The following NELL1 variants were observed in gnomAD, a reference collection of about 807,000 sequenced individuals.
The protein encoded by NELL1 is neural EGFL like 1, also known as protein kinase C-binding protein NELL1.
NELL1 carries 76 observed loss-of-function variants against 107.4 expected under a neutral mutation model. The observed-to-expected ratio is 0.71, with a 90% confidence interval of 0.59 to 0.86. NELL1 has a LOEUF of 0.86. Among genes scored for constraint, NELL1 ranks in the 40% least tolerant of loss-of-function variants. The probability of loss-of-function intolerance (pLI) is 0.00; values close to 1 mark genes in which losing one functional copy is unlikely to be tolerated. For missense variants in NELL1, 1,024 were observed against 1,005.5 expected (o/e 1.02, Z -0.25); for synonymous variants, 353 against 341.2 (o/e 1.03, Z -0.38).
intron 12 of NELL1, among the ~76,000 whole-genome samples, chr11:21,038,224 T>C (rs1021204571): frequency 6.6e-6 from 1 of 152,162 alleles, no homozygotes; most frequent in African/African-American, 2.4e-5. Flanking sequence ...TATTGCCTTA[T>C]TGCAACTGTA....
intron 11 of NELL1, among the ~76,000 whole-genome samples, chr11:20,957,797 C>T (rs1314842565): frequency 6.6e-6 from 1 of 151,972 alleles, no homozygotes; most frequent in South Asian, 2.1e-4. Context: ...ATATAACACA[C>T]CTCAAGACAG....
intron 15 of NELL1, among the ~76,000 whole-genome samples, chr11:21,516,142 C>G (rs1167058612): frequency 6.6e-6 from 1 of 152,130 alleles, no homozygotes; most frequent in African/African-American, 2.4e-5. Context: ...GAACTTGAAT[C>G]CCAGGTCCAT....
chr11:21,543,631 T>C (rs1856351425), intron 16 of NELL1, among the ~76,000 whole-genome samples: 1 of 151,970 alleles, frequency 6.6e-6, no homozygotes, highest in African/African-American at 2.4e-5. Context: ...GAGAAATGAA[T>C]CTCATCAGAC....
chr11:21,134,678 T>C (rs925259374), intron 13 of NELL1, among the ~76,000 whole-genome samples: 1 of 152,204 alleles, frequency 6.6e-6, no homozygotes, highest in African/African-American at 2.4e-5. Context: ...ATCTGATCTA[T>C]GCAGTTGGCA....
rs143638438 is a variant in NELL1 at position 21,113,389 on chromosome 11, A to T, written c.1301-200A>T. ...TCTTACCTGTTTTGTCTCACCATGC[A>T]TCGTTCTGGAAACACTTTCAGCTCA... is the stretch of plus-strand genomic sequence containing the variant. On this transcript the variant is annotated intron_variant, in intron 12 of 19. Coordinates refer to ENST00000357134, the MANE Select transcript of NELL1 (RefSeq NM_006157.5). Among the ~76,000 whole-genome samples, 92 of 152,120 alleles carry T rather than the reference A, an allele frequency of 6.0e-4. 1 individual carries two copies. Among genetic ancestry groups the T allele is most frequent in the African/African-American group, 2.1e-3 (87 of 41,530 alleles).
chr11:21,127,387 G>A (rs549174838), intron 13 of NELL1, among the ~76,000 whole-genome samples: 1 of 152,134 alleles, frequency 6.6e-6, no homozygotes, highest in South Asian at 2.1e-4. Context: ...TTGAGGCTAG[G>A]CATTCAAAAC....
chr11:20,723,007 A>T (rs900637519), intron 2 of NELL1, among the ~76,000 whole-genome samples: 3 of 152,204 alleles, frequency 2.0e-5, no homozygotes, highest in African/African-American at 7.2e-5. Context: ...CTTTAAAACT[A>T]TCAGCTCTCA....
At chr11:21,412,754 A>G (rs1468966678) in intron 15 of NELL1, among the ~76,000 whole-genome samples, 1 of 152,106 alleles carries the variant, frequency 6.6e-6, no homozygotes, top group East Asian at 1.9e-4. Flanking sequence ...AACTCAGTGG[A>G]TAGAATCTAA....
At chr11:21,161,857 A>G (rs917203444) in intron 13 of NELL1, among the ~76,000 whole-genome samples, 2 of 151,496 alleles carry the variant, frequency 1.3e-5, no homozygotes, top group East Asian at 1.9e-4. Context: ...CCCATTTCAC[A>G]TGACTAATTT....
chr11:21,134,962 TTAAA>T (rs1307221670), intron 13 of NELL1, among the ~76,000 whole-genome samples: 9 of 152,372 alleles, frequency 5.9e-5, no homozygotes, highest in Admixed American at 5.2e-4. Context: ...GTTTTAAGTA[TTAAA>T]TAATCAGTGT....
intron 15 of NELL1, among the ~76,000 whole-genome samples, chr11:21,503,504 T>C (rs1340059525): frequency 1.3e-5 from 2 of 152,224 alleles, no homozygotes; most frequent in African/African-American, 2.4e-5. Flanking sequence ...CAAGTTCTCC[T>C]ATCTATGTGA....
chr11:21,317,078 T>C lies in NELL1; in HGVS notation c.1550-53775T>C, dbSNP rs533874044. On this transcript the variant is annotated intron_variant, in intron 14 of 19. Transcript: ENST00000357134. ...TCCTAGGTTAGTATAAATACTAGAA[T>C]TGATAATAAGAATCATAATAATTAA... 5.3e-5 allele frequency among the ~76,000 whole-genome samples: 8 copies of C among 152,256 alleles called. No homozygotes were observed. The South Asian group carries it at 1.7e-3, about 32-fold the overall frequency.
At chr11:20,864,082 TCAGAGGGAGACCGTGGAAAGAGAGG>T (rs1398190641) in intron 4 of NELL1, among the ~76,000 whole-genome samples, 20 of 145,744 alleles carry the variant, frequency 1.4e-4, no homozygotes, top group Non-Finnish European at 2.8e-4. Flanking sequence ...CGGCTGGGCA[TCAGAGGGAGACCGTGGAAAGAGAGG>T]GAGAGGGAGA....
At chr11:21,454,221 T>G (rs867395777) in intron 15 of NELL1, among the ~76,000 whole-genome samples, 3 of 149,248 alleles carry the variant, frequency 2.0e-5, no homozygotes, top group Non-Finnish European at 4.4e-5. Flanking sequence ...GAATGATGAT[T>G]TCCAATTTCA....
At chr11:20,988,441 AT>A (rs1433021748) in intron 12 of NELL1, among the ~76,000 whole-genome samples, 1 of 131,568 alleles carries the variant, frequency 7.6e-6, no homozygotes, top group Non-Finnish European at 1.6e-5. Flanking sequence ...ATATATATCT[AT>A]ATATACACAT....
intron 15 of NELL1, among the ~76,000 whole-genome samples, chr11:21,390,370 A>G (rs199656491): frequency 5.5e-5 from 4 of 73,050 alleles, no homozygotes; most frequent in African/African-American, 1.5e-4. Context: ...TAACAATGAT[A>G]ATAATAATAA....
intron 9 of NELL1, among the ~76,000 whole-genome samples, chr11:20,929,019 G>C (rs1850560340): frequency 6.6e-6 from 1 of 152,152 alleles, no homozygotes; most frequent in South Asian, 2.1e-4. Context: ...AAATCTACTA[G>C]CTTAGTGAAT....
intron 15 of NELL1, among the ~76,000 whole-genome samples, chr11:21,494,864 C>G (rs971948241): frequency 6.6e-6 from 1 of 151,848 alleles, no homozygotes; most frequent in East Asian, 1.9e-4. Context: ...TGACTTTTCT[C>G]CCATCATACA....
intron 12 of NELL1, among the ~76,000 whole-genome samples, chr11:20,974,652 G>A (rs764161428): frequency 2.2e-4 from 34 of 152,182 alleles, no homozygotes; most frequent in Non-Finnish European, 4.9e-4. Flanking sequence ...CTTCTCATAA[G>A]CTATGATGAA....
Sources: gnomAD v4.1 joint callset for allele counts (sites outside exome capture counted in the v4.1 genomes callset) on GRCh38, gnomAD v4.1.1 for gene constraint, MANE v1.5 for transcripts, NCBI Gene and HGNC (gene_info 2026-07-23, HGNC 2026-07-21) for gene names.